Variants in TRHDE observed in about 807,000 individuals in gnomAD.
The protein encoded by TRHDE is thyrotropin-releasing hormone-degrading ectoenzyme.
TRHDE carries 72 observed loss-of-function variants against 125.7 expected under a neutral mutation model. That is an observed-to-expected ratio of 0.57 (90% CI 0.47 to 0.70). TRHDE has a LOEUF of 0.70. Ranked by LOEUF, TRHDE falls within the 30% of genes least tolerant of loss-of-function variation. The pLI, the probability that TRHDE is intolerant of heterozygous loss-of-function variation, is 0.00. For synonymous variants in TRHDE, 509 were observed against 509.1 expected (o/e 1.00, Z 0.00); for missense variants, 1,110 against 1,327.1 (o/e 0.84, Z 2.54).
chr12:72,291,400 G>A (rs1880083066), intron 2 of TRHDE, among the ~76,000 whole-genome samples: 1 of 152,204 alleles, frequency 6.6e-6, no homozygotes, highest in South Asian at 2.1e-4. Context: ...TGGATGAATG[G>A]CCGCTCCCTG....
intron 2 of TRHDE, among the ~76,000 whole-genome samples, chr12:72,339,927 G>C (rs1014756746): frequency 6.6e-6 from 1 of 152,150 alleles, no homozygotes; most frequent in African/African-American, 2.4e-5. Context: ...ATGACTGTCT[G>C]ATGTAAAGAT....
chr12:72,538,812 A>C (rs1442253020), intron 6 of TRHDE, among the ~76,000 whole-genome samples: 1 of 151,964 alleles, frequency 6.6e-6, no homozygotes, highest in East Asian at 1.9e-4. Context: ...TATCATTGTT[A>C]TCATTTGTTT....
chr12:72,468,262 T>A (rs576689081), intron 3 of TRHDE, among the ~76,000 whole-genome samples: 27 of 152,332 alleles, frequency 1.8e-4, no homozygotes, highest in African/African-American at 6.3e-4. Context: ...TGCTCTTCAC[T>A]TATTTCCTCG....
chr12:72,205,118 G>C (rs532743494), intron 2 of TRHDE, among the ~76,000 whole-genome samples: 1 of 152,108 alleles, frequency 6.6e-6, no homozygotes, highest in Non-Finnish European at 1.5e-5. Flanking sequence ...CCTCCATAGC[G>C]TATGTTTCAG....
At chr12:72,256,035 GA>G (rs1878806948) in intron 2 of TRHDE, 1 of 152,042 alleles carries the variant, frequency 6.6e-6, no homozygotes, top group African/African-American at 2.4e-5. Context: ...ATCTTTCAGT[GA>G]ATGTTCATTA....
intron 3 of TRHDE, among the ~76,000 whole-genome samples, chr12:72,411,654 T>C (rs1390154131): frequency 6.6e-6 from 1 of 152,082 alleles, no homozygotes; most frequent in Non-Finnish European, 1.5e-5. Flanking sequence ...TCAAAAGGTA[T>C]ATGGGAACTT....
rs917840128 is a variant in TRHDE at position 72,669,131 on chromosome 12, A to T, written c.*5936A>T. On this transcript the variant is annotated 3_prime_UTR_variant, in exon 19 of 19. Transcript: ENST00000261180. ...TTCGGCCAACGAGACACACACACAC[A>T]TGAAAAAAATAAGTGAAAAGACAGA... 1.3e-5 allele frequency: 2 copies of T among 151,534 alleles called. No individual in the cohort carries two copies. The highest frequency in any genetic ancestry group is 1.3e-4 in the Admixed American group (2 of 15,170). 9.4% of individuals were successfully genotyped at this position (151,534 alleles called of 1,614,324 possible). A position where few individuals can be genotyped will look rare whatever the true frequency, so the allele number is the denominator to read the frequency against.
At chr12:72,368,812 C>G (rs1048044431) in intron 2 of TRHDE, among the ~76,000 whole-genome samples, 1 of 152,158 alleles carries the variant, frequency 6.6e-6, no homozygotes, top group African/African-American at 2.4e-5. Flanking sequence ...ATCTGAAGTT[C>G]TCTTCCATTT....
Sources: gnomAD v4.1 joint callset for allele counts (sites outside exome capture counted in the v4.1 genomes callset) on GRCh38, gnomAD v4.1.1 for gene constraint, MANE v1.5 for transcripts, NCBI Gene and HGNC (gene_info 2026-07-23, HGNC 2026-07-21) for gene names.